Variants in STAB2 observed in about 807,000 individuals in gnomAD.
STAB2 encodes the protein stabilin-2.
STAB2 carries 288 observed loss-of-function variants against 338.1 expected under a neutral mutation model. The observed-to-expected ratio is 0.85, with a 90% CI of 0.77 to 0.94. The LOEUF (loss-of-function observed/expected upper bound fraction) is 0.94. STAB2 is among the 40% of genes least tolerant of loss of function. The pLI, the probability that STAB2 is intolerant of heterozygous loss-of-function variation, is 0.00. For synonymous variants in STAB2, 1,202 were observed against 1,193.3 expected, an observed-to-expected ratio of 1.01 and a Z score of -0.15; for missense variants, 3,141 against 3,210.1, an observed-to-expected ratio of 0.98 and a Z score of 0.52.
At chr12:103,756,996 A>AT in intron 63 of STAB2, among the ~76,000 whole-genome samples, 1 of 56,382 alleles carries the variant, frequency 1.8e-5, no homozygotes, top group Non-Finnish European at 3.1e-5. Flanking sequence ...AAGGAGGGAA[A>AT]ATATATATAT....
chr12:103,636,960 AG>A (rs1208661168), intron 6 of STAB2, 150 bp from the exon 7 acceptor site: 7 of 722,610 alleles, frequency 9.7e-6, no homozygotes, highest in Non-Finnish European at 1.2e-5. Context: ...GAGACTAAGA[AG>A]AAGACAATTT....
chr12:103,708,619 G>T, intron 39 of STAB2, 83 bp downstream of exon 39: 2 of 1,308,038 alleles, frequency 1.5e-6, no homozygotes, highest in Non-Finnish European at 2.1e-6. Context: ...AAATATAAAT[G>T]ACACCTTTTT....
At position 103,695,722 on chromosome 12, in the gene STAB2, C is replaced by G. The variant is rs769982639; in HGVS notation, c.3475-15C>G. The G allele has an allele frequency of 1.9e-6, 3 of 1,614,174 alleles. No individual in the cohort carries two copies. Among genetic ancestry groups the G allele is most frequent in the Non-Finnish European group, 2.5e-6 (3 of 1,180,004 alleles). On this transcript the variant is annotated splice_polypyrimidine_tract_variant and intron_variant, in intron 32 of 68. Coordinates refer to ENST00000388887, the MANE Select transcript of STAB2 (RefSeq NM_017564.10). ...ACAGGAATCCCTCATGCACTCTTGT[C>G]TCTTTCCATCGCAGCAATATAATCT... is the stretch of plus-strand genomic sequence containing the variant.
chr12:103,680,342 A>C (rs1369207302), intron 25 of STAB2, among the ~76,000 whole-genome samples: 2 of 152,222 alleles, frequency 1.3e-5, no homozygotes, highest in African/African-American at 4.8e-5. Context: ...GTTTAAAAAG[A>C]AAAGAGAATG....
chr12:103,678,363 T>C (rs1876579173), intron 25 of STAB2, among the ~76,000 whole-genome samples: 1 of 152,166 alleles, frequency 6.6e-6, no homozygotes, highest in South Asian at 2.1e-4. Flanking sequence ...CCATGATATC[T>C]CCCACTTGAC....
intron 9 of STAB2, among the ~76,000 whole-genome samples, chr12:103,646,932 CAG>C (rs1196447960): frequency 2.0e-5 from 3 of 152,072 alleles, no homozygotes; most frequent in African/African-American, 7.2e-5. Context: ...GAGGTCACAC[CAG>C]AGTGATAAGG....
chr12:103,735,424 G>T (rs1293174381), intron 51 of STAB2, 67 bp from the exon 52 acceptor site: 10 of 1,207,156 alleles, frequency 8.3e-6, no homozygotes, highest in Non-Finnish European at 1.0e-5. Context: ...TTTTGGTAAA[G>T]CTCCTTCGGG....
intron 38 of STAB2, 139 bp from the exon 39 acceptor site, chr12:103,708,302 T>G: frequency 2.5e-6 from 2 of 794,806 alleles, no homozygotes; most frequent in Non-Finnish European, 4.1e-6. Context: ...CTTTTTGTGA[T>G]TCAAGACCCC....
intron 11 of STAB2, 93 bp from the exon 12 acceptor site, chr12:103,652,463 C>G: frequency 8.0e-7 from 1 of 1,248,912 alleles, no homozygotes; most frequent in South Asian, 2.0e-5. Context: ...GGTGCCCTGG[C>G]TTTGATGTCT....
intron 3 of STAB2, among the ~76,000 whole-genome samples, chr12:103,598,658 T>G (rs779201248): frequency 2.0e-5 from 3 of 152,206 alleles, no homozygotes; most frequent in Non-Finnish European, 2.9e-5. Context: ...AAATTTTGTT[T>G]AAAAACCAAA....
intron 53 of STAB2, 65 bp downstream of exon 53, chr12:103,737,845 GTGTGGACCCTGT>G: frequency 4.4e-6 from 7 of 1,592,896 alleles, no homozygotes; most frequent in Non-Finnish European, 6.0e-6. Flanking sequence ...TCATGATCCA[GTGTGGACCCTGT>G]TGTGAAACCA....
intron 66 of STAB2, 125 bp downstream of exon 66, chr12:103,761,535 C>A: frequency 2.5e-6 from 2 of 790,842 alleles, no homozygotes; most frequent in South Asian, 3.6e-5. Flanking sequence ...GAGCCTCCAG[C>A]CTCCAACCTC....
chr12:103,711,020 ATAAT>A lies in STAB2; in HGVS notation c.4289-448_4289-445del, dbSNP rs1389321735. ...TTCTGCACATGCAAAAAAATCTTTT[ATAAT>A]TATAGTTTTGCTTGTTTACAGCACT... On this transcript the variant is annotated intron_variant, in intron 39 of 68. Coordinates refer to ENST00000388887, the MANE Select transcript of STAB2 (RefSeq NM_017564.10). 9.4e-5 allele frequency among the ~76,000 whole-genome samples: 14 copies of A among 149,442 alleles called. No individual in the cohort carries two copies. In the East Asian group the frequency reaches 2.7e-3, roughly 29 times the overall value.
intron 44 of STAB2, among the ~76,000 whole-genome samples, chr12:103,721,098 C>T (rs536077425): frequency 6.6e-5 from 10 of 150,486 alleles, no homozygotes; most frequent in Admixed American, 2.0e-4. Context: ...CCTCATGAAC[C>T]TAATGACCTT....
Position 103,590,919 on chromosome 12 carries a change from C to G in STAB2, c.104C>G (p.Ser35Cys). The G allele has an allele frequency of 1.2e-6, 2 of 1,614,004 alleles. No homozygotes were observed. The highest frequency in any genetic ancestry group is 1.7e-6 in the Non-Finnish European group (2 of 1,179,986). ...TGQARRCDRK[S>C]LLTIRTECRS... Reference sequence around the variant, plus strand: ...CAGGCAAGAAGATGTGATAGGAAGTCTCTTCTTACAATTAGGACCGAGTGC... The same window carrying G: ...CAGGCAAGAAGATGTGATAGGAAGTGTCTTCTTACAATTAGGACCGAGTGC... The change falls in exon 2 of 69, where the codon TCT becomes TGT. Residue 35 changes from serine to cysteine, a missense_variant. By Grantham distance (112) the Ser-to-Cys change is moderately radical (BLOSUM62 -1). Transcript: ENST00000388887.
At chr12:103,638,252 T>G (rs757571140) in intron 8 of STAB2, 40 bp downstream of exon 8, 10 of 1,545,792 alleles carry the variant, frequency 6.5e-6, no homozygotes, top group South Asian at 3.6e-5. Context: ...TCTAGAAGTT[T>G]GACAAGCCAC....
intron 11 of STAB2, among the ~76,000 whole-genome samples, chr12:103,651,760 T>A (rs1873762118): frequency 6.6e-6 from 1 of 152,142 alleles, no homozygotes; most frequent in Non-Finnish European, 1.5e-5. Flanking sequence ...ATCTGGGAAG[T>A]GGGAAAAAAT....
intron 42 of STAB2, among the ~76,000 whole-genome samples, chr12:103,714,258 T>A (rs1467235046): frequency 6.6e-6 from 1 of 152,230 alleles, no homozygotes; most frequent in African/African-American, 2.4e-5. Context: ...CTAACATTAT[T>A]TAAATATCCA....
chr12:103,724,849 T>A, intron 44 of STAB2, 126 bp from the exon 45 acceptor site: 1 of 1,507,734 alleles, frequency 6.6e-7, no homozygotes, highest in Non-Finnish European at 8.9e-7. Context: ...GGATAAACAA[T>A]ACAAATGAAT....
Sources: gnomAD v4.1 joint callset for allele counts (sites outside exome capture counted in the v4.1 genomes callset) on GRCh38, gnomAD v4.1.1 for gene constraint, MANE v1.5 for transcripts, NCBI Gene and HGNC (gene_info 2026-07-23, HGNC 2026-07-21) for gene names.